Variants in THSD7B observed in about 807,000 individuals in gnomAD.
THSD7B encodes the protein thrombospondin type-1 domain-containing protein 7B.
THSD7B carries 138 observed loss-of-function variants against 213.6 expected under a neutral mutation model. The observed-to-expected ratio is 0.65, with a 90% CI of 0.56 to 0.74. The LOEUF is 0.74. THSD7B is among the 30% of genes least tolerant of loss of function. THSD7B has a pLI of 0.00. For missense variants in THSD7B, 1,931 were observed against 1,991.5 expected (o/e 0.97, Z 0.58); for synonymous variants, 742 against 687.0 (o/e 1.08, Z -1.25).
At chr2:137,404,470 TATATACACAC>T (rs1272212356) in intron 12 of THSD7B, among the ~76,000 whole-genome samples, 25 of 62,528 alleles carry the variant, frequency 4.0e-4, no homozygotes, top group African/African-American at 1.6e-3. Flanking sequence ...TATATATATA[TATATACACAC>T]ACACACACAC....
rs989954806 is a variant in THSD7B at position 136,862,267 on chromosome 2, T to G, written c.-35-19877T>G. 7.9e-5 allele frequency among the ~76,000 whole-genome samples: 12 copies of G among 152,262 alleles called. No individual in the cohort carries two copies. The East Asian group carries it at 2.3e-3, about 29-fold the overall frequency. On this transcript the variant is annotated intron_variant, in intron 1 of 27. Coordinates refer to ENST00000409968, the MANE Select transcript of THSD7B (RefSeq NM_001316349.2). The stretch of plus-strand genomic sequence containing the variant: ...CTCCCATGACCCCACCTTTCCCACT[T>G]GCAAAGTATAGTAATTTCTCCTCCA...
At chr2:137,036,762 T>C (rs1172527292) in intron 2 of THSD7B, among the ~76,000 whole-genome samples, 1 of 152,184 alleles carries the variant, frequency 6.6e-6, no homozygotes, top group African/African-American at 2.4e-5. Flanking sequence ...CATAGTGTAA[T>C]GCCAGACAGC....
At chr2:137,254,589 G>A (rs1682261612) in intron 10 of THSD7B, among the ~76,000 whole-genome samples, 1 of 152,130 alleles carries the variant, frequency 6.6e-6, no homozygotes, top group African/African-American at 2.4e-5. Context: ...ACTTCTGGTG[G>A]ACTCCTGGTA....
At position 137,485,998 on chromosome 2, in the gene THSD7B, C is replaced by T. The variant is rs1281312409; in HGVS notation, c.3138+34975C>T. ...CCTAAAAGAGCTCCTGAAGGAAGCA[C>T]TAAACATGGAAAGGAACAACCGGTA... is the stretch of plus-strand genomic sequence containing the variant. On this transcript the variant is annotated intron_variant, in intron 15 of 27. Coordinates refer to ENST00000409968, the MANE Select transcript of THSD7B (RefSeq NM_001316349.2). 1.5e-4 allele frequency among the ~76,000 whole-genome samples: 23 copies of T among 152,184 alleles called. No individual in the cohort carries two copies. The East Asian group carries it at 4.3e-3, about 28-fold the overall frequency.
chr2:137,518,102 C>G (rs111964456), intron 15 of THSD7B, among the ~76,000 whole-genome samples: 2 of 151,994 alleles, frequency 1.3e-5, no homozygotes, highest in Non-Finnish European at 1.5e-5. Context: ...CAAGCAGTCC[C>G]GAAGGCACAA....
At chr2:137,521,149 T>G (rs927534616) in intron 15 of THSD7B, among the ~76,000 whole-genome samples, 6 of 152,194 alleles carry the variant, frequency 3.9e-5, no homozygotes, top group African/African-American at 7.2e-5. Flanking sequence ...TATCAATTTT[T>G]GGGTGAGAAA....
In THSD7B at chr2:137,573,238, A is replaced by C. The variant is rs565213158; in HGVS notation, c.3423+682A>C. Reference sequence around the variant, plus strand: ...TACTCATACTTCAAAGTAAACACTGAAAAAAATGAAAGTGGGGATTAGGAA... The same window carrying C: ...TACTCATACTTCAAAGTAAACACTGCAAAAAATGAAAGTGGGGATTAGGAA... On this transcript the variant is annotated intron_variant, in intron 17 of 27. Transcript: ENST00000409968. 3.5e-4 allele frequency among the ~76,000 whole-genome samples: 54 copies of C among 152,236 alleles called. 1 individual carries two copies. The highest frequency in any genetic ancestry group is 1.9e-4 in the Non-Finnish European group (13 of 67,986).
rs895793121 is a variant in THSD7B at position 137,070,519 on chromosome 2, A to C, written c.950+13289A>C. Among the ~76,000 whole-genome samples, 4 of 151,650 alleles carry C rather than the reference A, an allele frequency of 2.6e-5. No homozygotes were observed. In the East Asian group the frequency reaches 7.8e-4, roughly 29 times the overall value. On this transcript the variant is annotated intron_variant, in intron 3 of 27. Coordinates refer to ENST00000409968, the MANE Select transcript of THSD7B (RefSeq NM_001316349.2). ...GATAAATGCATACAAGTTGTGTTAA[A>C]TATTGCCAAATTCTCTTTTTTAAAA...
intron 1 of THSD7B, among the ~76,000 whole-genome samples, chr2:136,774,524 T>C (rs1681566685): frequency 6.6e-6 from 1 of 152,146 alleles, no homozygotes; most frequent in Admixed American, 6.6e-5. Context: ...AAAAAAGTCC[T>C]GTGTTTCCTT....
intron 7 of THSD7B, among the ~76,000 whole-genome samples, chr2:137,179,847 T>C (rs1044026554): frequency 2.0e-4 from 31 of 152,124 alleles, no homozygotes; most frequent in Non-Finnish European, 4.3e-4. Flanking sequence ...CTTATCCTCC[T>C]CTTCTTCTTT....
chr2:136,875,647 T>C (rs1027916079), intron 1 of THSD7B, among the ~76,000 whole-genome samples: 9 of 152,166 alleles, frequency 5.9e-5, no homozygotes, highest in African/African-American at 2.2e-4. Flanking sequence ...GCCCCGTAGT[T>C]TCTCCAAGCC....
intron 15 of THSD7B, among the ~76,000 whole-genome samples, chr2:137,474,347 T>G (rs1333589216): frequency 6.6e-6 from 1 of 152,168 alleles, no homozygotes; most frequent in African/African-American, 2.4e-5. Context: ...ATTGAATGGT[T>G]TCAGCTTTTA....
intron 6 of THSD7B, among the ~76,000 whole-genome samples, chr2:137,165,004 T>C (rs1037891227): frequency 2.0e-5 from 3 of 152,052 alleles, no homozygotes; most frequent in Non-Finnish European, 1.5e-5. Context: ...GTTGTGTACA[T>C]GTACCCTAGA....
chr2:137,065,563 G>T (rs1418546927), intron 3 of THSD7B, among the ~76,000 whole-genome samples: 1 of 151,866 alleles, frequency 6.6e-6, no homozygotes, highest in Non-Finnish European at 1.5e-5. Flanking sequence ...GGGCTTCCTT[G>T]TTGTTTTCAA....
intron 5 of THSD7B, among the ~76,000 whole-genome samples, chr2:137,125,718 T>A (rs927394410): frequency 1.3e-5 from 2 of 152,224 alleles, no homozygotes; most frequent in African/African-American, 4.8e-5. Flanking sequence ...TATTTCATTT[T>A]CAATTATTTC....
intron 17 of THSD7B, among the ~76,000 whole-genome samples, chr2:137,611,058 CA>C (rs575726603): frequency 3.4e-5 from 5 of 149,146 alleles, no homozygotes; most frequent in East Asian, 2.0e-4. Flanking sequence ...GCAAAACGCA[CA>C]AAAAAAAGAC....
intron 17 of THSD7B, 97 bp from the exon 18 acceptor site, chr2:137,616,078 T>C: frequency 8.1e-7 from 1 of 1,235,222 alleles, no homozygotes; most frequent in South Asian, 1.6e-5. Flanking sequence ...ATCTATTCCC[T>C]ATATTGTTAC....
intron 1 of THSD7B, among the ~76,000 whole-genome samples, chr2:136,833,158 G>C (rs1682782599): frequency 6.6e-6 from 1 of 152,048 alleles, no homozygotes; most frequent in South Asian, 2.1e-4. Flanking sequence ...GAGGTCAGGA[G>C]ATCAAGACCA....
rs76578193 is a variant in THSD7B at position 137,069,386 on chromosome 2, C to A, written c.950+12156C>A. On this transcript the variant is annotated intron_variant, in intron 3 of 27. Transcript: ENST00000409968. ...TGAATTAAAATATCTGAGCTATAGA[C>A]TAGGAAGACTGTTTATATAAATAGG... Among the ~76,000 whole-genome samples, 23 of 151,986 alleles carry A rather than the reference C, an allele frequency of 1.5e-4. No individual in the cohort carries two copies. The East Asian group carries it at 4.3e-3, about 28-fold the overall frequency.
Sources: allele counts gnomAD v4.1 joint callset (sites outside exome capture counted in the v4.1 genomes callset), GRCh38; gene constraint gnomAD v4.1.1; transcripts MANE v1.5; gene names NCBI Gene and HGNC (gene_info 2026-07-23, HGNC 2026-07-21).